The following MEI4 variants were observed in gnomAD, a reference collection of about 807,000 sequenced individuals.
MEI4 encodes meiosis-specific protein MEI4.
A neutral mutation model predicts 31.4 loss-of-function variants in MEI4; 27 were observed. The observed-to-expected ratio is 0.86, with a 90% confidence interval of 0.63 to 1.19. The LOEUF is 1.19. MEI4 is among the 50% of genes most tolerant of loss of function. MEI4 has a pLI of 0.00. For synonymous variants in MEI4, 122 were observed against 145.4 expected (o/e 0.84, Z 1.16); for missense variants, 329 against 398.9 (o/e 0.82, Z 1.49).
intron 3 of MEI4, among the ~76,000 whole-genome samples, chr6:77,798,975 C>G (rs1183979177): frequency 2.0e-5 from 3 of 151,978 alleles, no homozygotes; most frequent in Admixed American, 6.5e-5. Flanking sequence ...GTCTTTATAG[C>G]AGCATGATTT....
At chr6:77,839,405 T>C in intron 4 of MEI4, among the ~76,000 whole-genome samples, 1 of 152,164 alleles carries the variant, frequency 6.6e-6, no homozygotes, top group Non-Finnish European at 1.5e-5. Flanking sequence ...AGCCCTTTGC[T>C]ATCTCTGGAC....
At chr6:77,821,141 TG>T (rs982282000) in intron 3 of MEI4, among the ~76,000 whole-genome samples, 1 of 152,132 alleles carries the variant, frequency 6.6e-6, no homozygotes, top group African/African-American at 2.4e-5. Flanking sequence ...CTTTCTTTTT[TG>T]GTATTTTTAT....
At chr6:77,882,237 C>A (rs916460310) in intron 4 of MEI4, among the ~76,000 whole-genome samples, 12 of 152,274 alleles carry the variant, frequency 7.9e-5, no homozygotes, top group South Asian at 4.1e-4. Flanking sequence ...GCATCACCCC[C>A]CCAGTGTATC....
At chr6:77,866,775 G>C (rs181767148) in intron 4 of MEI4, among the ~76,000 whole-genome samples, 1 of 152,304 alleles carries the variant, frequency 6.6e-6, no homozygotes, top group Middle Eastern at 3.4e-3. Flanking sequence ...TCAATTCTAA[G>C]TCAAAAGAAC....
intron 2 of MEI4, among the ~76,000 whole-genome samples, chr6:77,737,296 G>A (rs1164943156): frequency 6.6e-6 from 1 of 152,182 alleles, no homozygotes; most frequent in South Asian, 2.1e-4. Flanking sequence ...TTTGGGAGAG[G>A]GAGGAGATTG....
rs2127744666 is a variant in MEI4, at chr6:77,925,073, A to C, written c.*1727A>C. On this transcript the variant is annotated 3_prime_UTR_variant, in exon 5 of 5. Transcript: ENST00000684080. Reference sequence around the variant, plus strand: ...AAAATCCACTTTCCATGACACCTTCATCTTCTTTCATTGTGATTAAACAAG... The same window carrying C: ...AAAATCCACTTTCCATGACACCTTCCTCTTCTTTCATTGTGATTAAACAAG... 1 of 152,004 alleles carries C rather than the reference A, an allele frequency of 6.6e-6. No homozygotes were observed. Among genetic ancestry groups the C allele is most frequent in the South Asian group, 2.1e-4 (1 of 4,820 alleles). 9.4% of individuals were successfully genotyped at this position (152,004 alleles called of 1,614,324 possible).
At chr6:77,674,467 G>A (rs1214461849) in intron 1 of MEI4, among the ~76,000 whole-genome samples, 1 of 152,000 alleles carries the variant, frequency 6.6e-6, no homozygotes, top group Non-Finnish European at 1.5e-5. Context: ...GTTTATGTAT[G>A]TTCAGATCTA....
At chr6:77,764,649 G>T (rs1430352562) in intron 3 of MEI4, among the ~76,000 whole-genome samples, 1 of 152,092 alleles carries the variant, frequency 6.6e-6, no homozygotes, top group Non-Finnish European at 1.5e-5. Flanking sequence ...AACAGCAAAA[G>T]AATACACATT....
chr6:77,872,013 C>T (rs1239757295), intron 4 of MEI4, among the ~76,000 whole-genome samples: 2 of 152,118 alleles, frequency 1.3e-5, no homozygotes, highest in Admixed American at 6.6e-5. Flanking sequence ...CTAAATTTCC[C>T]CAAGACTCCA....
chr6:77,878,792 A>G (rs1185814272), intron 4 of MEI4, among the ~76,000 whole-genome samples: 1 of 152,188 alleles, frequency 6.6e-6, no homozygotes, highest in East Asian at 1.9e-4. Flanking sequence ...CTGTCAAGTC[A>G]AAAAATCTCA....
chr6:77,923,524 T>G lies in MEI4; in HGVS notation c.*178T>G. 1 of 530,466 alleles carries G rather than the reference T, an allele frequency of 1.9e-6. No individual in the cohort carries two copies. The highest frequency in any genetic ancestry group is 2.8e-6 in the Non-Finnish European group (1 of 356,806). 32.9% of individuals were successfully genotyped at this position (530,466 alleles called of 1,614,324 possible). ...ATTGTATGAAATTTTATGAGTCATA[T>G]TTCTATACTAAAATCAGCCAGTTTC... On this transcript the variant is annotated 3_prime_UTR_variant, in exon 5 of 5. Transcript: ENST00000684080.
At chr6:77,744,447 C>A (rs1301420086) in intron 2 of MEI4, among the ~76,000 whole-genome samples, 1 of 152,092 alleles carries the variant, frequency 6.6e-6, no homozygotes, top group East Asian at 1.9e-4. Context: ...CAAACAAAGC[C>A]TCCGAGAAAT....
At position 77,834,959 on chromosome 6, in the gene MEI4, A is replaced by G. The variant is rs901287335; in HGVS notation, c.900+5897A>G. ...CCTAATCTTTCTGGATCCTACAGAA[A>G]CCCTGGCTGCCTTCAGCCAAGCAAT... is the stretch of plus-strand genomic sequence containing the variant. On this transcript the variant is annotated intron_variant, in intron 4 of 4. Coordinates refer to ENST00000684080, the MANE Select transcript of MEI4 (RefSeq NM_001322247.2). 5.3e-5 allele frequency among the ~76,000 whole-genome samples: 8 copies of G among 152,054 alleles called. No individual in the cohort carries two copies. In the South Asian group the frequency reaches 8.3e-4, roughly 16 times the overall value.
chr6:77,872,559 TTTTTTTA>T (rs1435641808), intron 4 of MEI4, among the ~76,000 whole-genome samples: 5 of 151,964 alleles, frequency 3.3e-5, no homozygotes, highest in African/African-American at 1.2e-4. Flanking sequence ...AGGCAGTTTA[TTTTTTTA>T]TTTTTTATTT....
At chr6:77,917,287 G>A (rs1412830418) in intron 4 of MEI4, among the ~76,000 whole-genome samples, 2 of 150,580 alleles carry the variant, frequency 1.3e-5, no homozygotes, top group East Asian at 2.0e-4. Flanking sequence ...TATATACCCA[G>A]TAATGGGATG....
chr6:77,767,297 T>A (rs1186416883), intron 3 of MEI4, among the ~76,000 whole-genome samples: 4 of 151,810 alleles, frequency 2.6e-5, no homozygotes, highest in African/African-American at 9.7e-5. Flanking sequence ...GGAGAATCGC[T>A]TGAACCCGGG....
intron 2 of MEI4, among the ~76,000 whole-genome samples, chr6:77,694,882 G>A (rs1048796031): frequency 6.6e-6 from 1 of 150,844 alleles, no homozygotes; most frequent in Non-Finnish European, 1.5e-5. Context: ...CCCACCAACA[G>A]TGTAAAAGTG....
At chr6:77,767,693 TCACACACACA>T (rs10612233) in intron 3 of MEI4, among the ~76,000 whole-genome samples, 5 of 149,194 alleles carry the variant, frequency 3.4e-5, no homozygotes, top group Admixed American at 6.7e-5. Flanking sequence ...CAGGAAACTG[TCACACACACA>T]CACACACACA....
intron 1 of MEI4, 122 bp from the exon 2 acceptor site, chr6:77,690,536 G>C (rs1211193076): frequency 4.5e-6 from 2 of 441,036 alleles, no homozygotes; most frequent in Non-Finnish European, 3.7e-6. Flanking sequence ...TCTGTTACTT[G>C]GTGCCAAGTC....
Sources: allele counts gnomAD v4.1 joint callset (sites outside exome capture counted in the v4.1 genomes callset), GRCh38; gene constraint gnomAD v4.1.1; transcripts MANE v1.5; gene names NCBI Gene and HGNC (gene_info 2026-07-23, HGNC 2026-07-21).